SAMD14: variants seen among roughly 807,000 people sequenced by gnomAD.
SAMD14 encodes the protein sterile alpha motif domain containing 14, also known as sterile alpha motif domain-containing protein 14.
SAMD14 carries 27 observed loss-of-function variants against 46.2 expected under a neutral mutation model. That is an observed-to-expected ratio of 0.58 (90% CI 0.43 to 0.81). SAMD14 has a LOEUF of 0.81. Ranked by LOEUF, SAMD14 falls within the 30% of genes least tolerant of loss-of-function variation. The pLI, the probability that SAMD14 is intolerant of heterozygous loss-of-function variation, is 0.00. For missense variants in SAMD14, 559 were observed against 582.2 expected (o/e 0.96, Z 0.41); for synonymous variants, 241 against 254.3 (o/e 0.95, Z 0.50).
chr17:50,122,017 C>A (rs530903978), intron 2 of SAMD14, among the ~76,000 whole-genome samples: 2 of 152,348 alleles, frequency 1.3e-5, no homozygotes, highest in East Asian at 3.9e-4. Flanking sequence ...GCTCAACAGG[C>A]GCTCGCTGGT....
In SAMD14 at chr17:50,115,537, T is replaced by A; in HGVS notation, c.822+27A>T. 1.3e-6 allele frequency: 2 copies of A among 1,511,148 alleles called. No homozygotes were observed. The highest frequency in any genetic ancestry group is 1.8e-6 in the Non-Finnish European group (2 of 1,127,856). 93.6% of individuals were successfully genotyped at this position (1,511,148 alleles called of 1,614,324 possible). ...ATGTCACCTGAGACTGGGGGCCAGT[T>A]TGGGGACAAGAAAGGCATGGACTTA... On this transcript the variant is annotated intron_variant, in intron 7 of 9. Transcript: ENST00000330175. The surrounding 1 kb of genome is among the most constrained non-coding windows in gnomAD (Gnocchi z 5.3).
rs1480442111 is a variant in SAMD14, at chr17:50,112,672, C to T, written c.*221G>A. ...CCCAGGAACTCTGTGCCAAACAAGT[C>T]CTCAAAATAGGATTTATTACTAGGC... On this transcript the variant is annotated 3_prime_UTR_variant, in exon 10 of 10. Transcript: ENST00000330175. The T allele has an allele frequency of 1.9e-6, 1 of 514,264 alleles. No homozygotes were observed. The highest frequency in any genetic ancestry group is 1.9e-5 in the African/African-American group (1 of 51,344). 31.9% of individuals were successfully genotyped at this position (514,264 alleles called of 1,614,324 possible). A position where few individuals can be genotyped will look rare whatever the true frequency, so the allele number is the denominator to read the frequency against.
intron 2 of SAMD14, among the ~76,000 whole-genome samples, chr17:50,122,646 G>A (rs1013509517): frequency 2.6e-5 from 4 of 152,148 alleles, no homozygotes; most frequent in African/African-American, 4.8e-5. Context: ...ATGCATATTA[G>A]GAGCTCTATA....
chr17:50,120,584 A>G (rs74994805), intron 2 of SAMD14, among the ~76,000 whole-genome samples: 6,186 of 152,224 alleles, frequency 0.041, 234 homozygotes, highest in African/African-American at 0.1. Flanking sequence ...AGTGACTTCC[A>G]TCTTATGCAG....
chr17:50,121,410 C>G (rs1911495885), intron 2 of SAMD14, among the ~76,000 whole-genome samples: 1 of 152,148 alleles, frequency 6.6e-6, no homozygotes, highest in East Asian at 1.9e-4. Context: ...CTCCACCTCC[C>G]AGGCTCAATC....
At chr17:50,124,757 G>A (rs1291632865) in intron 2 of SAMD14, among the ~76,000 whole-genome samples, 160 bp downstream of exon 2, 5 of 92,640 alleles carry the variant, frequency 5.4e-5, no homozygotes, top group African/African-American at 1.4e-4. Context: ...ACCTGCACGC[G>A]TGCACGCGCG....
chr17:50,114,800 TC>T (rs1389700897), intron 7 of SAMD14: 1 of 179,538 alleles, frequency 5.6e-6, no homozygotes, highest in Non-Finnish European at 1.2e-5. Flanking sequence ...AGAAGGAAGT[TC>T]CAGGTCCGAA....
intron 2 of SAMD14, among the ~76,000 whole-genome samples, chr17:50,118,752 A>C (rs1480783147): frequency 6.6e-6 from 1 of 152,194 alleles, no homozygotes; most frequent in Non-Finnish European, 1.5e-5. Flanking sequence ...TGTGGAGAGA[A>C]GGGTTGAGGG....
chr17:50,114,801 C>T (rs765290496), intron 7 of SAMD14: 5 of 179,514 alleles, frequency 2.8e-5, no homozygotes, highest in Non-Finnish European at 5.8e-5. Flanking sequence ...GAAGGAAGTT[C>T]CAGGTCCGAA....
chr17:50,111,605 G>C lies in SAMD14; in HGVS notation c.*1288C>G, dbSNP rs1910851221. 1 of 152,358 alleles carries C rather than the reference G, an allele frequency of 6.6e-6. No individual in the cohort carries two copies. Among genetic ancestry groups the C allele is most frequent in the African/African-American group, 2.4e-5 (1 of 41,458 alleles). 9.4% of individuals were successfully genotyped at this position (152,358 alleles called of 1,614,324 possible). Reference sequence around the variant, plus strand: ...GGAATGAGGGAGCCAGCATGCATTGGTGCCATCTGCCGCTCTGTCTGGGCA... The same window carrying C: ...GGAATGAGGGAGCCAGCATGCATTGCTGCCATCTGCCGCTCTGTCTGGGCA... On this transcript the variant is annotated 3_prime_UTR_variant, in exon 10 of 10. Coordinates refer to ENST00000330175, the MANE Select transcript of SAMD14 (RefSeq NM_001257359.2).
intron 1 of SAMD14, among the ~76,000 whole-genome samples, chr17:50,128,335 G>C (rs919378728): frequency 3.9e-5 from 6 of 151,998 alleles, no homozygotes; most frequent in Non-Finnish European, 8.8e-5. Context: ...TAACTTTCTG[G>C]GGTGTGTAGG....
rs1911943945 is a variant in SAMD14, at chr17:50,129,655, T to G, written c.-151A>C. 6.8e-6 allele frequency: 1 copy of G among 147,656 alleles called. No homozygotes were observed. The highest frequency in any genetic ancestry group is 1.5e-5 in the Non-Finnish European group (1 of 66,666). 9.1% of individuals were successfully genotyped at this position (147,656 alleles called of 1,614,324 possible). Reference sequence around the variant, plus strand: ...GGGGCTCCGGGCGGGCTCGAGCCGCTCCATCCCGGGGGTGGGGGTGAGGTC... The same window carrying G: ...GGGGCTCCGGGCGGGCTCGAGCCGCGCCATCCCGGGGGTGGGGGTGAGGTC... On this transcript the variant is annotated 5_prime_UTR_variant, in exon 1 of 10. Transcript: ENST00000330175. This position sits in a 1 kb window ranked among gnomAD's most constrained non-coding sequence, Gnocchi z 5.6.
At chr17:50,116,870 G>A (rs1441934093) in intron 4 of SAMD14, among the ~76,000 whole-genome samples, 2 of 151,986 alleles carry the variant, frequency 1.3e-5, no homozygotes, top group Non-Finnish European at 2.9e-5. Flanking sequence ...TTTAGTTAAG[G>A]GATGATTTGA....
chr17:50,124,922 A>G lies in SAMD14; in HGVS notation c.38T>C (p.Val13Ala), dbSNP rs1451746622. Residue 13 changes from valine (V) to alanine (A), a missense_variant, in exon 2 of 10, where the codon GTT becomes GCT. Physicochemically the swap from Val to Ala is moderately conservative, Grantham distance 64. Coordinates refer to ENST00000330175, the MANE Select transcript of SAMD14 (RefSeq NM_001257359.2). ...TAGAGCCACACAGAACTTACCAAAA[A>G]CTTCATCCACGGGTTCTCGGAGCTT... Reference protein sequence around the residue: ...SSKLREPVDEVFDLDLAVPET... With the variant: ...SSKLREPVDEAFDLDLAVPET... The G allele has an allele frequency of 6.2e-7, 1 of 1,613,772 alleles. No individual in the cohort carries two copies. The highest frequency in any genetic ancestry group is 2.2e-5 in the East Asian group (1 of 44,872).
chr17:50,117,970 G>T, intron 3 of SAMD14, 191 bp downstream of exon 3: 1 of 700,532 alleles, frequency 1.4e-6, no homozygotes, highest in Non-Finnish European at 2.2e-6. Flanking sequence ...TGTAAAATGG[G>T]GCTAATAATA....
rs144995937 is a variant in SAMD14, at chr17:50,122,682, C to T, written c.43+2235G>A. Among the ~76,000 whole-genome samples, 101 of 152,096 alleles carry T rather than the reference C, an allele frequency of 6.6e-4. 2 individuals carry two copies. In the East Asian group the frequency reaches 0.017, roughly 26 times the overall value. ...AATATTTGTCGAATGGATGAAAAGACGGGGAGACTGGGAGGCTACTTCTTT... is the reference window on the plus strand; with the variant it reads ...AATATTTGTCGAATGGATGAAAAGATGGGGAGACTGGGAGGCTACTTCTTT... On this transcript the variant is annotated intron_variant, in intron 2 of 9. Transcript: ENST00000330175.
rs80111505 is a variant in SAMD14, at chr17:50,111,490, G to A, written c.*1403C>T. The stretch of plus-strand genomic sequence containing the variant: ...AGTGTCCTCATATCTGTTTCCCTCC[G>A]AAGCCCCTCTCCCAGCACAGATAGC... On this transcript the variant is annotated 3_prime_UTR_variant, in exon 10 of 10. Coordinates refer to ENST00000330175, the MANE Select transcript of SAMD14 (RefSeq NM_001257359.2). 906 of 152,312 alleles carry A rather than the reference G, an allele frequency of 5.9e-3. 46 individuals carry two copies. In the South Asian group the frequency reaches 0.12, roughly 20 times the overall value. The allele number at this position is 152,312 out of a possible 1,614,324, so 9.4% of individuals were successfully genotyped here.
At chr17:50,117,721 G>A (rs780424175) in intron 3 of SAMD14, 26 bp from the exon 4 acceptor site, 5 of 1,419,618 alleles carry the variant, frequency 3.5e-6, no homozygotes, top group South Asian at 3.1e-5. Context: ...GCCGCTCACC[G>A]AGAACCCTCC....
At chr17:50,117,889 G>T in intron 3 of SAMD14, 194 bp from the exon 4 acceptor site, 1 of 662,374 alleles carries the variant, frequency 1.5e-6, no homozygotes, top group Non-Finnish European at 2.4e-6. Context: ...ACACAGGCTG[G>T]GGCTGAATTC....
Sources: allele counts gnomAD v4.1 joint callset (sites outside exome capture counted in the v4.1 genomes callset), GRCh38; gene constraint gnomAD v4.1.1; non-coding constraint Gnocchi (gnomAD v3.1); transcripts MANE v1.5; gene names NCBI Gene and HGNC (gene_info 2026-07-23, HGNC 2026-07-21).